The following SIDT2 variants were observed in gnomAD, a reference collection of about 807,000 sequenced individuals.
The protein encoded by SIDT2 is SID1 transmembrane family member 2.
In SIDT2, 68 loss-of-function variants were observed where a neutral mutation model predicts 114.4. That is an observed-to-expected ratio of 0.59 (90% CI 0.49 to 0.73). SIDT2 has a LOEUF of 0.73. Among genes scored for constraint, SIDT2 ranks in the 30% least tolerant of loss-of-function variants. The pLI, the probability that SIDT2 is intolerant of heterozygous loss-of-function variation, is 0.00. For missense variants in SIDT2, 918 were observed against 1,097.1 expected, an observed-to-expected ratio of 0.84 and a Z score of 2.31; for synonymous variants, 470 against 438.4, an observed-to-expected ratio of 1.07 and a Z score of -0.90.
chr11:117,193,327 G>A (rs2134260444), intron 23 of SIDT2, 69 bp downstream of exon 23: 1 of 1,297,538 alleles, frequency 7.7e-7, no homozygotes, highest in Non-Finnish European at 1.1e-6. Flanking sequence ...GGGCCCGGCA[G>A]CATTGAGGGG....
At chr11:117,187,521 G>T in intron 11 of SIDT2, 72 bp downstream of exon 11, 3 of 1,596,910 alleles carry the variant, frequency 1.9e-6, no homozygotes, top group Non-Finnish European at 2.6e-6. Flanking sequence ...CCTCCGAGGC[G>T]GTAAAGTGGG....
At chr11:117,187,771 G>A (rs978361688) in intron 12 of SIDT2, 72 bp downstream of exon 12, 9 of 1,472,482 alleles carry the variant, frequency 6.1e-6, no homozygotes, top group African/African-American at 2.8e-5. Context: ...CACGGTGGGC[G>A]GTTGCCTCTT....
At chr11:117,183,125 C>T (rs2030359898) in intron 6 of SIDT2, among the ~76,000 whole-genome samples, 1 of 152,186 alleles carries the variant, frequency 6.6e-6, no homozygotes, top group Non-Finnish European at 1.5e-5. Flanking sequence ...GGGCGGATCA[C>T]CTGAGATCAG....
chr11:117,192,388 TG>T lies in SIDT2; in HGVS notation c.1981+31del. 1.3e-6 allele frequency: 2 copies of T among 1,488,358 alleles called. No individual in the cohort carries two copies. Among genetic ancestry groups the T allele is most frequent in the Non-Finnish European group, 9.4e-7 (1 of 1,068,040 alleles). The allele number at this position is 1,488,358 out of a possible 1,614,324, so 92.2% of individuals were successfully genotyped here. On this transcript the variant is annotated intron_variant, in intron 20 of 25. Transcript: ENST00000324225. The surrounding 1 kb of genome is among the most constrained non-coding windows in gnomAD (Gnocchi z 5.9). ...GTAAGGGCACGCCCGGGGCAGGGCC[TG>T]GGGGAGGGGTCTGGGGGGCCTTGGG...
At chr11:117,193,325 C>A in intron 23 of SIDT2, 67 bp downstream of exon 23, 3 of 1,353,194 alleles carry the variant, frequency 2.2e-6, no homozygotes, top group South Asian at 1.3e-5. Flanking sequence ...ATGGGCCCGG[C>A]AGCATTGAGG....
Position 117,188,629 on chromosome 11 carries a change from T to TA in SIDT2, c.1160-78dup. 8.9e-7 allele frequency: 1 copy of TA among 1,125,584 alleles called. No individual in the cohort carries two copies. The highest frequency in any genetic ancestry group is 2.4e-5 in the East Asian group (1 of 42,080). 69.7% of individuals were successfully genotyped at this position (1,125,584 alleles called of 1,614,324 possible). A position where few individuals can be genotyped will look rare whatever the true frequency, so the allele number is the denominator to read the frequency against. ...CTCTTCCCTACTGCCTAATAATTGT[T>TA]ACAATTGCCTCAGATGGGCGAGGGC... On this transcript the variant is annotated intron_variant, in intron 12 of 25. Coordinates refer to ENST00000324225, the MANE Select transcript of SIDT2 (RefSeq NM_001040455.2). The surrounding 1 kb of genome is among the most constrained non-coding windows in gnomAD (Gnocchi z 4.0).
chr11:117,187,483 GAC>G (rs768767786), intron 11 of SIDT2, 34 bp downstream of exon 11: 2 of 1,609,992 alleles, frequency 1.2e-6, no homozygotes, highest in Non-Finnish European at 1.7e-6. Context: ...GCTTGCTGGG[GAC>G]ATGACCTTGT....
rs1037752289 is a variant in SIDT2, at chr11:117,188,626, T to G, written c.1160-82T>G. ...TGCCTCTTCCCTACTGCCTAATAAT[T>G]GTTACAATTGCCTCAGATGGGCGAG... On this transcript the variant is annotated intron_variant, in intron 12 of 25. Coordinates refer to ENST00000324225, the MANE Select transcript of SIDT2 (RefSeq NM_001040455.2). The surrounding 1 kb of genome is among the most constrained non-coding windows in gnomAD (Gnocchi z 4.0). 5 of 1,094,798 alleles carry G rather than the reference T, an allele frequency of 4.6e-6. No homozygotes were observed. The African/African-American group carries it at 7.7e-5, about 17-fold the overall frequency. The allele number at this position is 1,094,798 out of a possible 1,614,324, so 67.8% of individuals were successfully genotyped here.
chr11:117,179,722 C>T (rs1456255087), intron 1 of SIDT2: 1 of 381,870 alleles, frequency 2.6e-6, no homozygotes, highest in African/African-American at 2.0e-5. Flanking sequence ...GCACACATGG[C>T]TTGCTCTCTA....
chr11:117,194,923 G>A (rs940460230), intron 24 of SIDT2, among the ~76,000 whole-genome samples: 1 of 151,528 alleles, frequency 6.6e-6, no homozygotes, highest in East Asian at 1.9e-4. Flanking sequence ...CCCATCTCTA[G>A]TAAAAATACA....
Position 117,192,359 on chromosome 11 carries a change from C to G in SIDT2, c.1978C>G (p.Leu660Val). ...TQLYYMGRWKLDSGIFRRILH... is the reference protein window; with the variant it reads ...TQLYYMGRWKVDSGIFRRILH... The stretch of plus-strand genomic sequence containing the variant: ...GCTCTATTACATGGGCCGGTGGAAA[C>G]TGGGTAAGGGCACGCCCGGGGCAGG... The change falls in exon 20 of 26, where the codon CTG becomes GTG. Residue 660 changes from leucine (L) to valine (V), a missense_variant. Around this residue, in one of 4 missense-constraint regions of SIDT2, gnomAD observed 275 missense variants for 397.6 expected, o/e 0.69. Coordinates refer to ENST00000324225, the MANE Select transcript of SIDT2 (RefSeq NM_001040455.2). This position sits in a 1 kb window ranked among gnomAD's most constrained non-coding sequence, Gnocchi z 5.9. The G allele has an allele frequency of 6.3e-7, 1 of 1,593,394 alleles. No individual in the cohort carries two copies. The highest frequency in any genetic ancestry group is 1.1e-5 in the South Asian group (1 of 90,656).
chr11:117,186,035 G>C, intron 8 of SIDT2, 95 bp from the exon 9 acceptor site: 1 of 991,524 alleles, frequency 1.0e-6, no homozygotes, highest in Non-Finnish European at 1.6e-6. Flanking sequence ...GTGAGAGATT[G>C]AGCTGGGTGG....
Position 117,180,630 on chromosome 11 carries a change from G to A in SIDT2, c.184-786G>A, listed in dbSNP as rs2134247060. On this transcript the variant is annotated intron_variant, in intron 1 of 25. Transcript: ENST00000324225. ...AGCTCACTGCAACCTCCGCCTTCCC[G>A]GTTCAAGCGATTCTCCTGCCTCAGC... 2.0e-5 allele frequency among the ~76,000 whole-genome samples: 3 copies of A among 147,616 alleles called. No homozygotes were observed. In the South Asian group the frequency reaches 6.4e-4, roughly 32 times the overall value.
chr11:117,188,861 C>T lies in SIDT2; in HGVS notation c.1278+35C>T. 6.3e-7 allele frequency: 1 copy of T among 1,578,814 alleles called. No homozygotes were observed. The highest frequency in any genetic ancestry group is 8.7e-7 in the Non-Finnish European group (1 of 1,147,626). ...GTGGGCCTGGCCTGGTCAGGCGTTT[C>T]CTGAGAAAGGGACATTCTGCGTTCC... On this transcript the variant is annotated intron_variant, in intron 13 of 25. Transcript: ENST00000324225. The surrounding 1 kb of genome is among the most constrained non-coding windows in gnomAD (Gnocchi z 4.0).
chr11:117,181,608 G>C (rs1053761786), intron 2 of SIDT2, 71 bp downstream of exon 2: 1 of 1,604,476 alleles, frequency 6.2e-7, no homozygotes, highest in East Asian at 2.2e-5. Flanking sequence ...TCAACCAGGA[G>C]CCCCCCCATT....
intron 24 of SIDT2, among the ~76,000 whole-genome samples, chr11:117,194,915 C>T (rs1475719866): frequency 6.6e-6 from 1 of 151,654 alleles, no homozygotes; most frequent in Non-Finnish European, 1.5e-5. Context: ...GGTGAAACCC[C>T]ATCTCTAGTA....
rs1407370289 is a variant in SIDT2 at position 117,193,066 on chromosome 11, C to A, written c.2106-87C>A. 10 of 1,447,684 alleles carry A rather than the reference C, an allele frequency of 6.9e-6. No homozygotes were observed. In the African/African-American group the frequency reaches 7.0e-5, roughly 10 times the overall value. The allele number at this position is 1,447,684 out of a possible 1,614,324, so 89.7% of individuals were successfully genotyped here. A position where few individuals can be genotyped will look rare whatever the true frequency, so the allele number is the denominator to read the frequency against. ...TGGGCTTCTGAACACAGCCCAACAT[C>A]ATAATAAAACATGCCTAGGCAGGGC... On this transcript the variant is annotated intron_variant, in intron 22 of 25. Transcript: ENST00000324225.
chr11:117,184,024 C>T (rs371582156), intron 7 of SIDT2, 50 bp from the exon 8 acceptor site: 2 of 1,606,488 alleles, frequency 1.2e-6, no homozygotes, highest in African/African-American at 1.3e-5. Context: ...CCCACTGACT[C>T]TAGCCAAGCT....
chr11:117,194,458 TC>T (rs1207097501), intron 24 of SIDT2, among the ~76,000 whole-genome samples: 2 of 152,182 alleles, frequency 1.3e-5, no homozygotes, highest in African/African-American at 4.8e-5. Flanking sequence ...CCAAGTGACT[TC>T]CCCAGGGCAC....
Sources: gnomAD v4.1 joint callset for allele counts (sites outside exome capture counted in the v4.1 genomes callset) on GRCh38, gnomAD v4.1.1 for gene constraint, gnomAD v4.1.1 regional missense constraint, Gnocchi (gnomAD v3.1) non-coding constraint, MANE v1.5 for transcripts, NCBI Gene and HGNC (gene_info 2026-07-23, HGNC 2026-07-21) for gene names.